The following GJC1 variants were observed in gnomAD, a reference collection of about 807,000 sequenced individuals.
GJC1 encodes the protein gap junction protein gamma 1, also known as gap junction gamma-1 protein.
A neutral mutation model predicts 29.3 loss-of-function variants in GJC1; 5 were observed. The observed-to-expected ratio is 0.17, with a 90% CI of 0.09 to 0.36. GJC1 has a LOEUF of 0.36. Ranked by LOEUF, GJC1 falls within the 10% of genes least tolerant of loss-of-function variation. The pLI, the probability that GJC1 is intolerant of heterozygous loss-of-function variation, is 1.00. For synonymous variants in GJC1, 177 were observed against 183.3 expected, an observed-to-expected ratio of 0.97 and a Z score of 0.28; for missense variants, 310 against 496.2, an observed-to-expected ratio of 0.62 and a Z score of 3.56.
In GJC1 at chr17:44,804,849, CTGCTGTTCCTG is replaced by C; in HGVS notation, c.958_968del (p.Gln320ValfsTer5). The C allele has an allele frequency of 6.2e-7, 1 of 1,614,208 alleles. No individual in the cohort carries two copies. Among genetic ancestry groups the C allele is most frequent in the South Asian group, 1.1e-5 (1 of 91,084 alleles). ...GGAGGTTCTCCTCATGGCTGCCATA[CTGCTGTTCCTG>C]GGCTGTGTTGGCCTTGTTTTGCTTG... is the stretch of plus-strand genomic sequence containing the variant. On this transcript the variant is annotated frameshift_variant, in exon 3 of 3. Coordinates refer to ENST00000592524, the MANE Select transcript of GJC1 (RefSeq NM_005497.4). LOFTEE classifies it high-confidence loss of function.
intron 1 of GJC1, among the ~76,000 whole-genome samples, chr17:44,825,170 A>C (rs1409991592): frequency 6.9e-6 from 1 of 144,300 alleles, no homozygotes; most frequent in Non-Finnish European, 1.5e-5. Context: ...GCTACAGAAC[A>C]AGACTCTGTC....
At position 44,822,379 on chromosome 17, in the gene GJC1, T is replaced by C. The variant is rs113242708; in HGVS notation, c.-97+7683A>G. ...TCTAAAATTAGGGTGTGTTGGCTCA[T>C]GCCTATAATCCCAGCACTTTGGGAG... On this transcript the variant is annotated intron_variant, in intron 1 of 2. Coordinates refer to ENST00000592524, the MANE Select transcript of GJC1 (RefSeq NM_005497.4). Among the ~76,000 whole-genome samples, 634 of 150,878 alleles carry C rather than the reference T, an allele frequency of 4.2e-3. 2 individuals carry two copies. The highest frequency in any genetic ancestry group is 0.014 in the African/African-American group (594 of 41,190).
intron 1 of GJC1, among the ~76,000 whole-genome samples, chr17:44,821,273 T>C (rs2050102816): frequency 6.6e-6 from 1 of 152,184 alleles, no homozygotes; most frequent in African/African-American, 2.4e-5. Flanking sequence ...CAAAACAGCC[T>C]AAGATTAGGT....
intron 1 of GJC1, chr17:44,807,730 A>G (rs2049927881): frequency 6.6e-6 from 1 of 152,184 alleles, no homozygotes; most frequent in South Asian, 2.1e-4. Flanking sequence ...CGTCAGTAGT[A>G]AAAATATGAA....
At chr17:44,826,077 C>G (rs1018986256) in intron 1 of GJC1, among the ~76,000 whole-genome samples, 59 of 152,174 alleles carry the variant, frequency 3.9e-4, no homozygotes, top group African/African-American at 1.3e-3. Context: ...ACTGCCACCA[C>G]GCCCAGGTAA....
At chr17:44,828,141 CTT>C (rs2050195823) in intron 1 of GJC1, among the ~76,000 whole-genome samples, 1 of 152,070 alleles carries the variant, frequency 6.6e-6, no homozygotes, top group Non-Finnish European at 1.5e-5. Flanking sequence ...CTTTGGCTGA[CTT>C]ATACAAATAT....
intron 1 of GJC1, among the ~76,000 whole-genome samples, chr17:44,828,152 A>G (rs2050195889): frequency 6.6e-6 from 1 of 152,216 alleles, no homozygotes; most frequent in African/African-American, 2.4e-5. Flanking sequence ...TTATACAAAT[A>G]TAAGAATAAA....
chr17:44,819,236 C>T (rs1013322516), intron 1 of GJC1, among the ~76,000 whole-genome samples: 1 of 152,162 alleles, frequency 6.6e-6, no homozygotes, highest in Non-Finnish European at 1.5e-5. Flanking sequence ...CACCATTCTA[C>T]TTTCTCTATG....
chr17:44,821,780 C>T (rs971077780), intron 1 of GJC1, among the ~76,000 whole-genome samples: 3 of 148,042 alleles, frequency 2.0e-5, no homozygotes, highest in African/African-American at 7.5e-5. Flanking sequence ...TCATCTGGTA[C>T]AACTTTTCTG....
At chr17:44,820,528 G>GT (rs2050095293) in intron 1 of GJC1, among the ~76,000 whole-genome samples, 1 of 152,134 alleles carries the variant, frequency 6.6e-6, no homozygotes, top group African/African-American at 2.4e-5. Flanking sequence ...GAAAAGTAAA[G>GT]TAATAGCAGT....
At chr17:44,821,001 G>C (rs958748539) in intron 1 of GJC1, among the ~76,000 whole-genome samples, 1 of 152,160 alleles carries the variant, frequency 6.6e-6, no homozygotes, top group Non-Finnish European at 1.5e-5. Flanking sequence ...AATATAATTT[G>C]TGGCGAATCA....
intron 2 of GJC1, among the ~76,000 whole-genome samples, chr17:44,806,401 G>GTTTTTTTTTTTTTTT (rs35152035): frequency 8.2e-6 from 1 of 122,136 alleles, no homozygotes; most frequent in Non-Finnish European, 1.7e-5. Flanking sequence ...TCTTCTGTTT[G>GTTTTTTTTTTTTTTT]TTTTTTTTTT....
At position 44,804,758 on chromosome 17, in the gene GJC1, G is replaced by T. The variant is rs2049892327; in HGVS notation, c.1060C>A (p.Gln354Lys). The T allele has an allele frequency of 1.9e-6, 3 of 1,614,058 alleles. No individual in the cohort carries two copies. The African/African-American group carries it at 4.0e-5, about 22-fold the overall frequency. ...GGGTTGTTTTGGTGACTGTAGGCCT[G>T]AACTGCCAGATCCAAGCGTTCCTGA... ...MAQERLDLAV[Q>K]AYSHQNNPHG... The change falls in exon 3 of 3, where the codon CAG (glutamine) becomes AAG (lysine). Residue 354 changes from glutamine to lysine, a missense_variant. Physicochemically the swap from Gln to Lys is moderately conservative, Grantham distance 53. Transcript: ENST00000592524.
At chr17:44,811,400 T>C (rs1449862649) in intron 1 of GJC1, among the ~76,000 whole-genome samples, 1 of 148,062 alleles carries the variant, frequency 6.8e-6, no homozygotes, top group East Asian at 2.0e-4. Context: ...TTTTTTTTTT[T>C]TTTTTTGAGA....
At chr17:44,811,489 T>TG (rs1308892119) in intron 1 of GJC1, among the ~76,000 whole-genome samples, 1 of 150,126 alleles carries the variant, frequency 6.7e-6, no homozygotes, top group African/African-American at 2.5e-5. Context: ...CAGGTTCAGG[T>TG]GATCCTCTCA....
chr17:44,814,379 A>T (rs900033871), intron 1 of GJC1, among the ~76,000 whole-genome samples: 1 of 151,804 alleles, frequency 6.6e-6, no homozygotes, highest in Non-Finnish European at 1.5e-5. Flanking sequence ...TGACCTCGTG[A>T]TCCACCCACC....
intron 1 of GJC1, chr17:44,813,348 C>G (rs185385868): frequency 6.6e-6 from 1 of 152,162 alleles, no homozygotes; most frequent in African/African-American, 2.4e-5. Flanking sequence ...TGAGCCACCG[C>G]ACCCAGCTGC....
At position 44,798,833 on chromosome 17, in the gene GJC1, T is replaced by C. The variant is rs564074941; in HGVS notation, c.*5794A>G. On this transcript the variant is annotated 3_prime_UTR_variant, in exon 3 of 3. Transcript: ENST00000592524. The stretch of plus-strand genomic sequence containing the variant: ...GAAAAACATTTAAATCTTGGAAGCA[T>C]ATAGCCTGGTTCAACAAGCCAACTC... 6.6e-5 allele frequency: 10 copies of C among 152,196 alleles called. No individual in the cohort carries two copies. Among genetic ancestry groups the C allele is most frequent in the African/African-American group, 1.7e-4 (7 of 41,430 alleles). 9.4% of individuals were successfully genotyped at this position (152,196 alleles called of 1,614,324 possible).
At chr17:44,808,428 TACACACACACACACAC>T (rs56999580) in intron 1 of GJC1, among the ~76,000 whole-genome samples, 20 of 147,442 alleles carry the variant, frequency 1.4e-4, no homozygotes, top group South Asian at 2.2e-4. Flanking sequence ...CCCTGTCTCT[TACACACACACACACAC>T]ACACACACAC....
Sources: allele counts gnomAD v4.1 joint callset (sites outside exome capture counted in the v4.1 genomes callset), GRCh38; gene constraint gnomAD v4.1.1; transcripts MANE v1.5; gene names NCBI Gene and HGNC (gene_info 2026-07-23, HGNC 2026-07-21).